Variants in STAU1 observed in about 807,000 individuals in gnomAD.
STAU1 encodes double-stranded RNA-binding protein Staufen homolog 1.
In STAU1, 13 loss-of-function variants were observed where a neutral mutation model predicts 62.9. The ratio of observed to expected loss-of-function variants is 0.21; its 90% CI spans 0.13 to 0.33. The LOEUF is 0.33. Ranked by LOEUF, STAU1 falls within the 10% of genes least tolerant of loss-of-function variation. The pLI, the probability that STAU1 is intolerant of heterozygous loss-of-function variation, is 1.00. For missense variants in STAU1, 571 were observed against 712.1 expected, an observed-to-expected ratio of 0.80 and a Z score of 2.25; for synonymous variants, 269 against 265.1, an observed-to-expected ratio of 1.01 and a Z score of -0.14.
At position 49,163,226 on chromosome 20, in the gene STAU1, A is replaced by G. The variant is rs779820008; in HGVS notation, c.205+2771T>C. On this transcript the variant is annotated intron_variant, in intron 3 of 13. Transcript: ENST00000371856. ...AAAAATTGACACTGACACCCCATTT[A>G]TTTCACTGGTCTTGCCATGTTGCAG... Among the ~76,000 whole-genome samples, 21 of 151,450 alleles carry G rather than the reference A, an allele frequency of 1.4e-4. 1 individual carries two copies. Among genetic ancestry groups the G allele is most frequent in the Non-Finnish European group, 1.5e-5 (1 of 67,878 alleles).
chr20:49,144,339 G>A (rs2093076427), intron 5 of STAU1, among the ~76,000 whole-genome samples: 1 of 151,724 alleles, frequency 6.6e-6, no homozygotes, highest in Admixed American at 6.6e-5. Context: ...GTCGAAAAAT[G>A]TTGCATGATG....
intron 6 of STAU1, 135 bp downstream of exon 6, chr20:49,135,698 A>G (rs1203285163): frequency 4.3e-6 from 3 of 699,262 alleles, no homozygotes; most frequent in South Asian, 1.9e-5. Flanking sequence ...CACTAAATAT[A>G]AAGTATGAAT....
intron 4 of STAU1, among the ~76,000 whole-genome samples, 193 bp from the exon 5 acceptor site, chr20:49,151,940 CAA>C (rs1251452397): frequency 2.0e-5 from 3 of 152,182 alleles, no homozygotes; most frequent in Admixed American, 1.3e-4. Flanking sequence ...ACAGTATAAG[CAA>C]AGAGTGTTTA....
rs781466199 is a variant in STAU1 at position 49,166,039 on chromosome 20, C to G, written c.163G>C (p.Ala55Pro). The part of the protein sequence containing the change: ...ENAGRPIQNS[A>P]LPSASITSTS... ...GATGTAATAGATGCAGAGGGTAAAG[C>G]AGAGTTTTGAATGGGTCTACCTGCA... The change falls in exon 3 of 14, where the codon GCT becomes CCT. Residue 55 changes from alanine to proline, a missense_variant. Coordinates refer to ENST00000371856, the MANE Select transcript of STAU1 (RefSeq NM_017453.4). 3 of 1,614,028 alleles carry G rather than the reference C, an allele frequency of 1.9e-6. No homozygotes were observed. Among genetic ancestry groups the G allele is most frequent in the South Asian group, 2.2e-5 (2 of 91,084 alleles).
chr20:49,154,348 A>T (rs2146266718), intron 3 of STAU1, among the ~76,000 whole-genome samples: 1 of 152,342 alleles, frequency 6.6e-6, no homozygotes, highest in South Asian at 2.1e-4. Context: ...TATATGGTAC[A>T]GCTGTCAGAA....
intron 9 of STAU1, among the ~76,000 whole-genome samples, chr20:49,118,643 G>A (rs2092389684): frequency 6.6e-6 from 1 of 152,152 alleles, no homozygotes; most frequent in Non-Finnish European, 1.5e-5. Context: ...ATCTAACAAA[G>A]TGCACTAACC....
At chr20:49,195,898 C>CAAAAAA in the STAU1 span, among the ~76,000 whole-genome samples, 69 of 33,818 alleles carry the variant, frequency 2.0e-3, no homozygotes, top group African/African-American at 2.5e-3. Flanking sequence ...AACTTCCTCT[C>CAAAAAA]AAAAAAAAAA....
At chr20:49,172,548 AG>A (rs1224992983) in intron 2 of STAU1, among the ~76,000 whole-genome samples, 1 of 152,234 alleles carries the variant, frequency 6.6e-6, no homozygotes, top group Non-Finnish European at 1.5e-5. Context: ...AATGGTTAAC[AG>A]GCTTTTCCTT....
At chr20:49,145,640 G>T (rs1233050964) in intron 5 of STAU1, among the ~76,000 whole-genome samples, 5 of 151,438 alleles carry the variant, frequency 3.3e-5, no homozygotes, top group Admixed American at 3.3e-4. Flanking sequence ...TATGGCAGGA[G>T]AATAGCTTGA....
In STAU1 at chr20:49,117,262, G is replaced by C. The variant is rs543032724; in HGVS notation, c.1510-14C>G. The C allele has an allele frequency of 1.2e-6, 2 of 1,613,854 alleles. No homozygotes were observed. The highest frequency in any genetic ancestry group is 1.3e-5 in the African/African-American group (1 of 75,046). ...TTTGTATTCAACCTAAGGGGGAAAA[G>C]AGAGCTGAGGCTAGGTAGGGAACAG... is the stretch of plus-strand genomic sequence containing the variant. On this transcript the variant is annotated splice_polypyrimidine_tract_variant and intron_variant, in intron 11 of 13. Coordinates refer to ENST00000371856, the MANE Select transcript of STAU1 (RefSeq NM_017453.4). The surrounding 1 kb of genome is among the most constrained non-coding windows in gnomAD (Gnocchi z 4.6).
chr20:49,122,203 G>A (rs1238369458), intron 8 of STAU1, among the ~76,000 whole-genome samples: 1 of 152,112 alleles, frequency 6.6e-6, no homozygotes, highest in African/African-American at 2.4e-5. Flanking sequence ...TGACCACTTA[G>A]CTTTGAACTT....
intron 2 of STAU1, among the ~76,000 whole-genome samples, chr20:49,166,959 C>A (rs1377384958): frequency 6.6e-6 from 1 of 152,056 alleles, no homozygotes; most frequent in Non-Finnish European, 1.5e-5. Flanking sequence ...GTAACAAAGA[C>A]CATACTAGAG....
chr20:49,121,284 G>A (rs950313796), intron 8 of STAU1, among the ~76,000 whole-genome samples: 60 of 151,876 alleles, frequency 4.0e-4, no homozygotes, highest in African/African-American at 1.3e-3. Flanking sequence ...GTGGGCACCC[G>A]TGAATCCCAG....
the STAU1 span, among the ~76,000 whole-genome samples, chr20:49,206,182 C>T: frequency 2.7e-5 from 4 of 146,098 alleles, no homozygotes; most frequent in East Asian, 2.0e-4. Context: ...TTTGTAAGTA[C>T]GGGGTTTTAC....
At chr20:49,202,230 A>AAAAGAAAGAAAGAAAGAAAG in the STAU1 span, among the ~76,000 whole-genome samples, 12,954 of 129,336 alleles carry the variant, frequency 0.1, 807 homozygotes, top group Non-Finnish European at 0.12. Flanking sequence ...AAAAAAAAAA[A>AAAAGAAAGAAAGAAAGAAAG]AAAGAAAGAA....
chr20:49,172,929 G>A (rs1041146221), intron 2 of STAU1, among the ~76,000 whole-genome samples: 1 of 151,062 alleles, frequency 6.6e-6, no homozygotes, highest in South Asian at 2.1e-4. Context: ...CCAGGCTAGA[G>A]TGCAGTGAAA....
chr20:49,205,751 C>T, the STAU1 span, among the ~76,000 whole-genome samples: 15 of 150,400 alleles, frequency 1.0e-4, 1 homozygote, highest in South Asian at 8.4e-4. Flanking sequence ...CTTGGCTCAT[C>T]ACAAGCTCCG....
intron 5 of STAU1, among the ~76,000 whole-genome samples, chr20:49,142,777 G>C (rs530788871): frequency 1.3e-5 from 2 of 152,220 alleles, no homozygotes; most frequent in African/African-American, 4.8e-5. Flanking sequence ...AAACATATTT[G>C]AAAATGAAAT....
rs558925613 is a variant in STAU1, at chr20:49,129,630, C to CTTT, written c.610-5046_610-5044dup. ...TCTGGTTTAGAAAACAGTTTGGCAA[C>CTTT]TTTTTTTTTTTTTTTTTTTTTTTTG... On this transcript the variant is annotated intron_variant, in intron 6 of 13. Transcript: ENST00000371856. Among the ~76,000 whole-genome samples, 775 of 96,654 alleles carry CTTT rather than the reference C, an allele frequency of 8.0e-3. 35 individuals carry two copies. Among genetic ancestry groups the CTTT allele is most frequent in the African/African-American group, 0.027 (611 of 22,574 alleles). 63.4% of individuals were successfully genotyped at this position (96,654 alleles called of 152,430 possible). A position where few individuals can be genotyped will look rare whatever the true frequency, so the allele number is the denominator to read the frequency against.
Sources: gnomAD v4.1 joint callset for allele counts (sites outside exome capture counted in the v4.1 genomes callset) on GRCh38, gnomAD v4.1.1 for gene constraint, Gnocchi (gnomAD v3.1) non-coding constraint, MANE v1.5 for transcripts, NCBI Gene and HGNC (gene_info 2026-07-23, HGNC 2026-07-21) for gene names.